Variants in GLRX3 observed in about 807,000 individuals in gnomAD.
GLRX3 encodes glutaredoxin-3.
Under a neutral mutation model 49.5 loss-of-function variants are expected in GLRX3, and 22 were observed. That is an observed-to-expected ratio of 0.44 (90% confidence interval 0.32 to 0.63). The LOEUF (loss-of-function observed/expected upper bound fraction) is 0.63. Ranked by LOEUF, GLRX3 falls within the 30% of genes least tolerant of loss-of-function variation. The pLI is 0.05. For missense variants in GLRX3, 385 were observed against 396.3 expected (o/e 0.97, Z 0.24); for synonymous variants, 133 against 140.0 (o/e 0.95, Z 0.35).
chr10:130,157,929 A>C (rs928792919), intron 2 of GLRX3, among the ~76,000 whole-genome samples: 27 of 152,184 alleles, frequency 1.8e-4, no homozygotes, highest in Non-Finnish European at 3.5e-4. Flanking sequence ...CAACAAAAAT[A>C]TTTCTAACGA....
intron 2 of GLRX3, among the ~76,000 whole-genome samples, chr10:130,147,746 AAG>A (rs1862295476): frequency 6.6e-6 from 1 of 152,236 alleles, no homozygotes; most frequent in South Asian, 2.1e-4. Flanking sequence ...CTTTCCCAGT[AAG>A]AGAGGCGTGC....
chr10:130,144,083 A>C (rs16910124), intron 1 of GLRX3, among the ~76,000 whole-genome samples: 30 of 152,284 alleles, frequency 2.0e-4, no homozygotes, highest in Non-Finnish European at 4.0e-4. Flanking sequence ...CTCGTTTTGC[A>C]CTGGCATGCC....
Position 130,160,916 on chromosome 10 carries a change from C to T in GLRX3, c.397C>T (p.Leu133Phe). 1.2e-6 allele frequency: 2 copies of T among 1,613,554 alleles called. No individual in the cohort carries two copies. The highest frequency in any genetic ancestry group is 1.7e-6 in the Non-Finnish European group (2 of 1,179,488). ...CGCTAATGAACATCTTAAAGAAGAT[C>T]TCAACCTTCGCTTGAAGAAATTGAC... ...PSANEHLKED[L>F]NLRLKKLTHA... is the part of the protein sequence containing the mutation. The change falls in exon 4 of 11, where the codon CTC becomes TTC. Residue 133 changes from leucine (L) to phenylalanine (F), a missense_variant. Physicochemically the swap from Leu to Phe is conservative, Grantham distance 22. This residue lies in a region of GLRX3 where 374 missense variants were observed against 358.6 expected (regional missense o/e 1.04). Coordinates refer to ENST00000331244, the MANE Select transcript of GLRX3 (RefSeq NM_006541.5).
chr10:130,138,868 TGG>T (rs1554954459), intron 1 of GLRX3, among the ~76,000 whole-genome samples: 1 of 143,920 alleles, frequency 6.9e-6, no homozygotes, highest in Non-Finnish European at 1.5e-5. Context: ...TTTTTTTTTT[TGG>T]GGGGGAGACA....
chr10:130,145,176 A>G (rs1862247805), intron 1 of GLRX3, 35 bp from the exon 2 acceptor site: 1 of 808,770 alleles, frequency 1.2e-6, no homozygotes, highest in South Asian at 1.7e-5. Context: ...CAAAATTGGT[A>G]TAATTTTAAA....
chr10:130,151,877 A>G (rs778008654), intron 2 of GLRX3, among the ~76,000 whole-genome samples: 3 of 152,144 alleles, frequency 2.0e-5, no homozygotes, highest in South Asian at 2.1e-4. Flanking sequence ...TTTTGAGCCT[A>G]TGTTTGTCTT....
chr10:130,179,190 T>C, intron 10 of GLRX3, 152 bp from the exon 11 acceptor site: 1 of 513,276 alleles, frequency 1.9e-6, no homozygotes, highest in Non-Finnish European at 3.5e-6. Context: ...GGTTTATGGC[T>C]CATTTAGTTT....
intron 1 of GLRX3, among the ~76,000 whole-genome samples, chr10:130,144,503 C>T (rs1286946459): frequency 2.0e-5 from 3 of 152,018 alleles, no homozygotes; most frequent in African/African-American, 7.3e-5. Flanking sequence ...GTTCCCCTCC[C>T]TGTGTCCGTG....
At chr10:130,156,268 A>G (rs959177714) in intron 2 of GLRX3, among the ~76,000 whole-genome samples, 1 of 152,098 alleles carries the variant, frequency 6.6e-6, no homozygotes, top group Non-Finnish European at 1.5e-5. Context: ...GCAGCAGGAG[A>G]AGAAGGGCAA....
intron 1 of GLRX3, 40 bp from the exon 2 acceptor site, chr10:130,145,171 T>G: frequency 1.3e-6 from 1 of 785,042 alleles, no homozygotes; most frequent in Non-Finnish European, 2.1e-6. Flanking sequence ...ATTTCCAAAA[T>G]TGGTATAATT....
chr10:130,161,037 G>A (rs1235946904), intron 4 of GLRX3, 40 bp downstream of exon 4: 2 of 1,430,542 alleles, frequency 1.4e-6, no homozygotes. Context: ...CAAAATGGGT[G>A]CTTTCCCAGA....
At chr10:130,162,608 G>T (rs2134905878) in intron 4 of GLRX3, among the ~76,000 whole-genome samples, 3 of 152,278 alleles carry the variant, frequency 2.0e-5, no homozygotes, top group Middle Eastern at 6.8e-3. Context: ...GTGAAATGTG[G>T]GTGAAGCACA....
intron 4 of GLRX3, among the ~76,000 whole-genome samples, chr10:130,161,395 G>A (rs758103342): frequency 2.5e-4 from 38 of 152,216 alleles, no homozygotes; most frequent in Non-Finnish European, 4.1e-4. Flanking sequence ...TTTCTTGGCA[G>A]CCTCCTGTTT....
intron 1 of GLRX3, among the ~76,000 whole-genome samples, chr10:130,144,572 T>C (rs1257845504): frequency 6.6e-6 from 1 of 152,134 alleles, no homozygotes; most frequent in African/African-American, 2.4e-5. Flanking sequence ...GTTTTTCTGT[T>C]CCTGTGTTAG....
chr10:130,166,655 C>T lies in GLRX3; in HGVS notation c.627C>T (p.Leu209=). The change falls in exon 5 of 11, where the codon CTC becomes CTT. Residue 209 remains leucine, a synonymous_variant. Transcript: ENST00000331244. ...TYPQLYVSGE[L]IGGLDIIKEL... is the part of the protein sequence containing the mutation. ...CTCAGCTCTATGTTTCTGGAGAGCTCATAGGAGGACTTGATATAATTAAGG... is the reference window on the plus strand; with the variant it reads ...CTCAGCTCTATGTTTCTGGAGAGCTTATAGGAGGACTTGATATAATTAAGG... 1 of 1,607,642 alleles carries T rather than the reference C, an allele frequency of 6.2e-7. No individual in the cohort carries two copies. Among genetic ancestry groups the T allele is most frequent in the Non-Finnish European group, 8.5e-7 (1 of 1,174,440 alleles).
intron 2 of GLRX3, among the ~76,000 whole-genome samples, chr10:130,145,697 T>G (rs1015866609): frequency 1.3e-5 from 2 of 152,096 alleles, no homozygotes; most frequent in Non-Finnish European, 2.9e-5. Flanking sequence ...AAATTAGATT[T>G]TATTAACTAA....
At chr10:130,175,633 G>T (rs564543072) in intron 10 of GLRX3, among the ~76,000 whole-genome samples, 1 of 152,330 alleles carries the variant, frequency 6.6e-6, no homozygotes, top group Non-Finnish European at 1.5e-5. Context: ...CTGATGCTTT[G>T]TGTATTTTAG....
At position 130,160,080 on chromosome 10, in the gene GLRX3, A is replaced by G; in HGVS notation, c.276+11A>G. 3 of 1,522,734 alleles carry G rather than the reference A, an allele frequency of 2.0e-6. No homozygotes were observed. Among genetic ancestry groups the G allele is most frequent in the Non-Finnish European group, 2.7e-6 (3 of 1,096,802 alleles). The allele number at this position is 1,522,734 out of a possible 1,614,324, so 94.3% of individuals were successfully genotyped here. A position where few individuals can be genotyped will look rare whatever the true frequency, so the allele number is the denominator to read the frequency against. On this transcript the variant is annotated intron_variant, in intron 3 of 10. Transcript: ENST00000331244. The stretch of plus-strand genomic sequence containing the variant: ...TTTCTGTTTTTCAAGGTAAGGATAA[A>G]GGTGGTACAAGAGATTATCCATTTG...
intron 8 of GLRX3, among the ~76,000 whole-genome samples, chr10:130,172,234 CAG>C (rs1211575693): frequency 6.6e-6 from 1 of 152,138 alleles, no homozygotes; most frequent in Non-Finnish European, 1.5e-5. Flanking sequence ...AAAGATATTT[CAG>C]GGGAATATAT....
Sources: gnomAD v4.1 joint callset for allele counts (sites outside exome capture counted in the v4.1 genomes callset) on GRCh38, gnomAD v4.1.1 for gene constraint, gnomAD v4.1.1 regional missense constraint, MANE v1.5 for transcripts, NCBI Gene and HGNC (gene_info 2026-07-23, HGNC 2026-07-21) for gene names.